Variants in VCAN observed in about 807,000 individuals in gnomAD.
VCAN encodes versican core protein.
In VCAN, 44 loss-of-function variants were observed where a neutral mutation model predicts 245.5. The ratio of observed to expected loss-of-function variants is 0.18; its 90% confidence interval spans 0.14 to 0.23. The LOEUF is 0.23. Ranked by LOEUF, VCAN falls within the 10% of genes least tolerant of loss-of-function variation. The pLI, the probability that VCAN is intolerant of heterozygous loss-of-function variation, is 1.00. For synonymous variants in VCAN, 1,413 were observed against 1,437.0 expected, an observed-to-expected ratio of 0.98 and a Z score of 0.38; for missense variants, 3,793 against 4,057.9, an observed-to-expected ratio of 0.93 and a Z score of 1.77.
chr5:83,538,265 T>C lies in VCAN; in HGVS notation c.5262T>C (p.Phe1754=), dbSNP rs1322378017. 2 of 1,614,038 alleles carry C rather than the reference T, an allele frequency of 1.2e-6. No homozygotes were observed. The highest frequency in any genetic ancestry group is 1.7e-5 in the Admixed American group (1 of 59,998). ...TQRSDQLILP[F]ELESPNVATS... is the part of the protein sequence containing the mutation. ...GATCGGATCAATTAATTTTACCCTT[T>C]GAATTAGAAAGTCCAAATGTAGCTA... is the stretch of plus-strand genomic sequence containing the variant. Residue 1754 remains phenylalanine (F), a synonymous_variant, in exon 8 of 15, where the codon TTT becomes TTC. Coordinates refer to ENST00000265077, the MANE Select transcript of VCAN (RefSeq NM_004385.5).
intron 5 of VCAN, among the ~76,000 whole-genome samples, chr5:83,504,046 T>C (rs1438419635): frequency 6.6e-6 from 1 of 152,200 alleles, no homozygotes; most frequent in East Asian, 1.9e-4. Context: ...ATATACATGG[T>C]CCACTTTCTA....
intron 13 of VCAN, among the ~76,000 whole-genome samples, chr5:83,578,305 G>A (rs1240314240): frequency 2.0e-5 from 3 of 151,960 alleles, no homozygotes; most frequent in Non-Finnish European, 4.4e-5. Context: ...CACAAAGAGG[G>A]GAAAAACAGA....
Position 83,521,550 on chromosome 5 carries a change from A to G in VCAN, c.3244A>G (p.Thr1082Ala). The change falls in exon 7 of 15, where the codon ACA becomes GCA. Residue 1082 changes from threonine to alanine, a missense_variant. Thr to Ala is a moderately conservative substitution (Grantham distance 58). This residue lies in a region of VCAN where 3,182 missense variants were observed against 3,250.3 expected (regional missense o/e 0.98). Transcript: ENST00000265077. Reference sequence around the variant, plus strand: ...TACAGTCTCTGAAGATGAATTGTTGACAGGTTCTGAGAGGGTCCCAGTTTT... The same window carrying G: ...TACAGTCTCTGAAGATGAATTGTTGGCAGGTTCTGAGAGGGTCCCAGTTTT... ...AYTVSEDELL[T>A]GSERVPVLET... is the part of the protein sequence containing the mutation. 2 of 1,614,032 alleles carry G rather than the reference A, an allele frequency of 1.2e-6. No homozygotes were observed. Among genetic ancestry groups the G allele is most frequent in the Non-Finnish European group, 1.7e-6 (2 of 1,180,012 alleles).
intron 5 of VCAN, among the ~76,000 whole-genome samples, chr5:83,504,906 G>T (rs1356097081): frequency 6.6e-6 from 1 of 152,090 alleles, no homozygotes; most frequent in African/African-American, 2.4e-5. Flanking sequence ...AGGTGAAGGG[G>T]ACTACTTAGA....
At chr5:83,515,364 A>G (rs1330382759) in intron 6 of VCAN, among the ~76,000 whole-genome samples, 1 of 152,252 alleles carries the variant, frequency 6.6e-6, no homozygotes, top group Admixed American at 6.5e-5. Flanking sequence ...AATTATCTCC[A>G]GGAGAGGGAG....
chr5:83,534,060 C>T (rs1746616257), intron 7 of VCAN: 1 of 152,044 alleles, frequency 6.6e-6, no homozygotes, highest in Non-Finnish European at 1.5e-5. Flanking sequence ...GACCATCCAT[C>T]AGTTTCTTAC....
At chr5:83,553,630 T>TG in intron 11 of VCAN, 108 bp downstream of exon 11, 1 of 1,408,686 alleles carries the variant, frequency 7.1e-7, no homozygotes, top group Non-Finnish European at 9.8e-7. Flanking sequence ...ATAATACAAC[T>TG]TATCAAATCC....
Position 83,521,378 on chromosome 5 carries a change from A to G in VCAN, c.3072A>G (p.Thr1024=). 2 of 1,614,146 alleles carry G rather than the reference A, an allele frequency of 1.2e-6. No homozygotes were observed. Among genetic ancestry groups the G allele is most frequent in the Non-Finnish European group, 1.7e-6 (2 of 1,180,006 alleles). ...TTTCTCCAGAAACTATGAGAACAAC[A>G]AAAATCACAGAGGGAACAACTCAGG... The part of the protein sequence containing the change: ...ATISPETMRT[T]KITEGTTQEE... The change falls in exon 7 of 15, where the codon ACA becomes ACG. Residue 1024 remains threonine, a synonymous_variant. Coordinates refer to ENST00000265077, the MANE Select transcript of VCAN (RefSeq NM_004385.5).
Position 83,521,276 on chromosome 5 carries a change from T to C in VCAN, c.2970T>C (p.Val990=). ...ACTGGGGAGTGTTAGTACCTTCTGT[T>C]CCATCAGAAGATGAAGTTCTAGGTG... ...KTDWGVLVPS[V]PSEDEVLGEP... is the part of the protein sequence containing the mutation. Residue 990 remains valine, a synonymous_variant, in exon 7 of 15, where the codon GTT becomes GTC. Transcript: ENST00000265077. 1 of 1,614,116 alleles carries C rather than the reference T, an allele frequency of 6.2e-7. No homozygotes were observed. The highest frequency in any genetic ancestry group is 8.5e-7 in the Non-Finnish European group (1 of 1,179,960).
Position 83,521,223 on chromosome 5 carries a change from A to C in VCAN, c.2917A>C (p.Ile973Leu), listed in dbSNP as rs749902308. 23 of 1,613,988 alleles carry C rather than the reference A, an allele frequency of 1.4e-5. No individual in the cohort carries two copies. In the South Asian group the frequency reaches 2.3e-4, roughly 16 times the overall value. The stretch of plus-strand genomic sequence containing the variant: ...TACTTATGTAGACTCTTCCCATACC[A>C]TTCCTCTTTCTGTAATTCCCAAGAC... ...PTTYVDSSHT[I>L]PLSVIPKTDW... Residue 973 changes from isoleucine to leucine, a missense_variant, in exon 7 of 15, where the codon ATT (isoleucine) becomes CTT (leucine). Around this residue, in one of 5 missense-constraint regions of VCAN, gnomAD observed 3,182 missense variants for 3,250.3 expected, o/e 0.98. Coordinates refer to ENST00000265077, the MANE Select transcript of VCAN (RefSeq NM_004385.5).
At chr5:83,481,140 G>A (rs1400575470) in intron 1 of VCAN, among the ~76,000 whole-genome samples, 2 of 150,856 alleles carry the variant, frequency 1.3e-5, no homozygotes, top group East Asian at 3.9e-4. Flanking sequence ...GGCTTATAAA[G>A]ATTTCCTGGA....
intron 7 of VCAN, among the ~76,000 whole-genome samples, chr5:83,533,071 A>G (rs1384758096): frequency 1.3e-5 from 2 of 152,178 alleles, no homozygotes; most frequent in East Asian, 1.9e-4. Flanking sequence ...TACACAATAG[A>G]GTTTATTTTA....
chr5:83,538,409 G>T lies in VCAN; in HGVS notation c.5406G>T (p.Leu1802Phe). 6.2e-7 allele frequency: 1 copy of T among 1,613,928 alleles called. No homozygotes were observed. Among genetic ancestry groups the T allele is most frequent in the East Asian group, 2.2e-5 (1 of 44,862 alleles). ...VFTETNTLEN[L>F]GAQTTEHSSI... ...CAGAAACAAATACATTAGAAAATTT[G>T]GGGGCACAGACCACTGAGCACAGCA... Residue 1802 changes from leucine (L) to phenylalanine (F), a missense_variant, in exon 8 of 15, where the codon TTG (leucine) becomes TTT (phenylalanine). Physicochemically the swap from Leu to Phe is conservative, Grantham distance 22. This residue lies in a region of VCAN where 3,182 missense variants were observed against 3,250.3 expected (regional missense o/e 0.98). Coordinates refer to ENST00000265077, the MANE Select transcript of VCAN (RefSeq NM_004385.5).
intron 1 of VCAN, among the ~76,000 whole-genome samples, chr5:83,472,230 T>C (rs1056716130): frequency 1.3e-5 from 2 of 150,520 alleles, no homozygotes; most frequent in Non-Finnish European, 2.9e-5. Flanking sequence ...AGAGGGACCT[T>C]GGTGTTGAAA....
chr5:83,546,753 A>G (rs544710574), intron 9 of VCAN, among the ~76,000 whole-genome samples: 1 of 152,270 alleles, frequency 6.6e-6, no homozygotes, highest in East Asian at 1.9e-4. Context: ...CAAGCACCAT[A>G]AACATGTTTG....
intron 10 of VCAN, among the ~76,000 whole-genome samples, chr5:83,551,063 G>A (rs903931291): frequency 5.3e-5 from 8 of 151,546 alleles, no homozygotes; most frequent in Admixed American, 2.0e-4. Flanking sequence ...CAGAAACCCC[G>A]CCTCTATTTT....
intron 7 of VCAN, among the ~76,000 whole-genome samples, chr5:83,530,848 A>T (rs1393249759): frequency 6.6e-6 from 1 of 152,124 alleles, no homozygotes; most frequent in Admixed American, 6.6e-5. Flanking sequence ...GATACAAAAT[A>T]TAAGAATATT....
chr5:83,546,823 A>G (rs1313511665), intron 9 of VCAN, among the ~76,000 whole-genome samples: 1 of 152,186 alleles, frequency 6.6e-6, no homozygotes, highest in African/African-American at 2.4e-5. Flanking sequence ...AGAATACATT[A>G]TATGACTAAG....
intron 5 of VCAN, among the ~76,000 whole-genome samples, chr5:83,500,247 T>C (rs1320981001): frequency 6.6e-6 from 1 of 152,206 alleles, no homozygotes; most frequent in Non-Finnish European, 1.5e-5. Flanking sequence ...GATTTCAGAA[T>C]CTCTTCACAT....
Sources: gnomAD v4.1 joint callset for allele counts (sites outside exome capture counted in the v4.1 genomes callset) on GRCh38, gnomAD v4.1.1 for gene constraint, gnomAD v4.1.1 regional missense constraint, MANE v1.5 for transcripts, NCBI Gene and HGNC (gene_info 2026-07-23, HGNC 2026-07-21) for gene names.